Variants in CYP19A1 observed in about 807,000 individuals in gnomAD.
The protein encoded by CYP19A1 is aromatase.
CYP19A1 carries 32 observed loss-of-function variants against 44.4 expected under a neutral mutation model. The ratio of observed to expected loss-of-function variants is 0.72; its 90% CI spans 0.54 to 0.97. The LOEUF (loss-of-function observed/expected upper bound fraction) is 0.97. Among genes scored for constraint, CYP19A1 ranks in the 50% least tolerant of loss-of-function variants. CYP19A1 has a pLI of 0.00. For missense variants in CYP19A1, 598 were observed against 637.8 expected (o/e 0.94, Z 0.67); for synonymous variants, 212 against 215.6 (o/e 0.98, Z 0.14).
intron 1 of CYP19A1, chr15:51,320,340 C>G (rs1171704185): frequency 6.6e-6 from 1 of 152,402 alleles, no homozygotes; most frequent in Admixed American, 6.5e-5. Flanking sequence ...TTCCAGGGAG[C>G]ACCTGCTACC....
At chr15:51,289,267 AT>A (rs1411724510) in intron 1 of CYP19A1, among the ~76,000 whole-genome samples, 2 of 152,256 alleles carry the variant, frequency 1.3e-5, no homozygotes, top group Non-Finnish European at 2.9e-5. Context: ...TGTACTCAAG[AT>A]TCCAGAGACA....
At chr15:51,335,904 G>T (rs2446409) in intron 1 of CYP19A1, among the ~76,000 whole-genome samples, 1 of 152,098 alleles carries the variant, frequency 6.6e-6, no homozygotes, top group African/African-American at 2.4e-5. Flanking sequence ...TGCTCCTGAC[G>T]CTCCATGTGG....
intron 1 of CYP19A1, among the ~76,000 whole-genome samples, chr15:51,281,466 G>A (rs1339767558): frequency 2.0e-5 from 3 of 152,200 alleles, no homozygotes; most frequent in Non-Finnish European, 4.4e-5. Flanking sequence ...AGAGCACTGC[G>A]GGCAGGAGAG....
intron 1 of CYP19A1, among the ~76,000 whole-genome samples, chr15:51,267,837 G>A (rs966176480): frequency 2.0e-5 from 3 of 152,150 alleles, no homozygotes; most frequent in South Asian, 4.1e-4. Context: ...CCCATGCCCC[G>A]GGGAAGGGTC....
intron 1 of CYP19A1, among the ~76,000 whole-genome samples, chr15:51,280,474 T>C (rs945099825): frequency 1.3e-5 from 2 of 152,202 alleles, no homozygotes; most frequent in African/African-American, 4.8e-5. Context: ...CTTTCTGCCT[T>C]GTGGCCATTT....
At chr15:51,295,273 C>T (rs1280099501) in intron 1 of CYP19A1, among the ~76,000 whole-genome samples, 1 of 151,636 alleles carries the variant, frequency 6.6e-6, no homozygotes, top group Non-Finnish European at 1.5e-5. Context: ...CAGGGTGATT[C>T]AGAAGGACAA....
chr15:51,249,805 A>C (rs1566894896), intron 1 of CYP19A1, among the ~76,000 whole-genome samples: 1 of 152,232 alleles, frequency 6.6e-6, no homozygotes, highest in Non-Finnish European at 1.5e-5. Context: ...CATGAGATCC[A>C]GGGAAGGTCA....
intron 1 of CYP19A1, among the ~76,000 whole-genome samples, chr15:51,308,092 G>T (rs1566921150): frequency 6.6e-6 from 1 of 152,208 alleles, no homozygotes; most frequent in South Asian, 2.1e-4. Flanking sequence ...TAGGAGACTG[G>T]CAAGAAGAAG....
chr15:51,225,904 A>G (rs947303020), intron 4 of CYP19A1, among the ~76,000 whole-genome samples: 1 of 151,884 alleles, frequency 6.6e-6, no homozygotes, highest in African/African-American at 2.4e-5. Flanking sequence ...CCTGGCTAAC[A>G]CGGTGAAACC....
intron 1 of CYP19A1, among the ~76,000 whole-genome samples, chr15:51,333,937 A>G (rs1395738716): frequency 1.3e-5 from 2 of 152,134 alleles, no homozygotes; most frequent in African/African-American, 4.8e-5. Context: ...TAGGACCTAT[A>G]TGCACCTATT....
chr15:51,283,129 A>C (rs2035583431), intron 1 of CYP19A1, among the ~76,000 whole-genome samples: 1 of 151,406 alleles, frequency 6.6e-6, no homozygotes, highest in African/African-American at 2.4e-5. Flanking sequence ...GATGAGGTAG[A>C]TTCAGATGAG....
intron 1 of CYP19A1, among the ~76,000 whole-genome samples, chr15:51,259,396 T>G (rs1566899843): frequency 6.6e-6 from 1 of 152,336 alleles, no homozygotes; most frequent in East Asian, 1.9e-4. Context: ...GAAACCAGAT[T>G]GTTTTCAATT....
rs546689003 is a variant in CYP19A1, at chr15:51,316,788, C to T, written c.-39+21707G>A. Among the ~76,000 whole-genome samples the T allele has an allele frequency of 4.6e-5, 7 of 152,202 alleles. No homozygotes were observed. The East Asian group carries it at 1.3e-3, about 29-fold the overall frequency. ...TATGTGCAGTTAAAAACTATATTCC[C>T]CAGCCTCTCTTGCAGCTGGATATGA... On this transcript the variant is annotated intron_variant, in intron 1 of 9. Transcript: ENST00000396402.
intron 3 of CYP19A1, among the ~76,000 whole-genome samples, chr15:51,233,166 G>A (rs773210257): frequency 2.6e-5 from 4 of 152,100 alleles, no homozygotes; most frequent in Non-Finnish European, 5.9e-5. Context: ...TCACACCTGC[G>A]TCTCTACAAC....
rs773101936 is a variant in CYP19A1, at chr15:51,212,575, T to TAAAAGG, written c.1022-20_1022-15dup. On this transcript the variant is annotated splice_polypyrimidine_tract_variant and intron_variant, in intron 8 of 9. Transcript: ENST00000396402. Reference sequence around the variant, plus strand: ...TGTCTCTCTCACCTGTGGAAACAGATAAAAGGAACAAAGAAGGTAATGTTA... The same window carrying TAAAAGG: ...TGTCTCTCTCACCTGTGGAAACAGATAAAAGGAAAAGGAACAAAGAAGGTAATGTTA... 3 of 1,427,482 alleles carry TAAAAGG rather than the reference T, an allele frequency of 2.1e-6. No individual in the cohort carries two copies. Among genetic ancestry groups the TAAAAGG allele is most frequent in the Non-Finnish European group, 3.0e-6 (3 of 1,009,604 alleles). 88.4% of individuals were successfully genotyped at this position (1,427,482 alleles called of 1,614,324 possible).
chr15:51,228,785 T>C (rs1455988350), intron 3 of CYP19A1, among the ~76,000 whole-genome samples: 1 of 152,236 alleles, frequency 6.6e-6, no homozygotes, highest in African/African-American at 2.4e-5. Context: ...GTGAACTTAA[T>C]ATTTATACAA....
intron 1 of CYP19A1, among the ~76,000 whole-genome samples, chr15:51,335,463 A>T (rs148513314): frequency 6.6e-6 from 1 of 152,216 alleles, no homozygotes; most frequent in Non-Finnish European, 1.5e-5. Flanking sequence ...GAAAATGCTA[A>T]CAACACACTG....
intron 1 of CYP19A1, chr15:51,323,917 GAC>G (rs2036568043): frequency 6.6e-6 from 1 of 152,216 alleles, no homozygotes; most frequent in Non-Finnish European, 1.5e-5. Flanking sequence ...CAGGGTTTCT[GAC>G]ACCGCCTATG....
At chr15:51,292,243 G>C (rs1250716645) in intron 1 of CYP19A1, among the ~76,000 whole-genome samples, 1 of 152,182 alleles carries the variant, frequency 6.6e-6, no homozygotes, top group Non-Finnish European at 1.5e-5. Flanking sequence ...TCTCCAACTA[G>C]GGTTAATTAT....
Sources: gnomAD v4.1 joint callset for allele counts (sites outside exome capture counted in the v4.1 genomes callset) on GRCh38, gnomAD v4.1.1 for gene constraint, MANE v1.5 for transcripts, NCBI Gene and HGNC (gene_info 2026-07-23, HGNC 2026-07-21) for gene names.